The following DUSP12 variants were observed in gnomAD, a reference collection of about 807,000 sequenced individuals.
The protein encoded by DUSP12 is dual specificity protein phosphatase 12.
In DUSP12, 25 loss-of-function variants were observed where a neutral mutation model predicts 38.9. The ratio of observed to expected loss-of-function variants is 0.64; its 90% CI spans 0.47 to 0.90. DUSP12 has a LOEUF of 0.90. DUSP12 is among the 40% of genes least tolerant of loss of function. The pLI, the probability that DUSP12 is intolerant of heterozygous loss-of-function variation, is 0.00. For missense variants in DUSP12, 403 were observed against 427.0 expected, an observed-to-expected ratio of 0.94 and a Z score of 0.50; for synonymous variants, 153 against 153.9, an observed-to-expected ratio of 0.99 and a Z score of 0.05.
chr1:161,754,307 ACT>A (rs1449755733), intron 5 of DUSP12, among the ~76,000 whole-genome samples: 1 of 152,138 alleles, frequency 6.6e-6, no homozygotes, highest in African/African-American at 2.4e-5. Context: ...ATATAATCAA[ACT>A]CACATTTTCG....
chr1:161,754,513 G>A (rs61801238), intron 5 of DUSP12, among the ~76,000 whole-genome samples: 5,307 of 152,232 alleles, frequency 0.035, 119 homozygotes, highest in Non-Finnish European at 0.056. Flanking sequence ...TATAAAGGAA[G>A]GAGGTTTAAT....
chr1:161,750,231 G>C, intron 1 of DUSP12, 86 bp downstream of exon 1: 1 of 1,447,528 alleles, frequency 6.9e-7, no homozygotes, highest in Non-Finnish European at 9.3e-7. Flanking sequence ...CCGTCGGGAG[G>C]ACAAGAGCGC....
In DUSP12 at chr1:161,757,194, T is replaced by C. The variant is rs1684123845; in HGVS notation, c.*247T>C. On this transcript the variant is annotated 3_prime_UTR_variant, in exon 6 of 6. Coordinates refer to ENST00000367943, the MANE Select transcript of DUSP12 (RefSeq NM_007240.3). ...CTGTGTTTCATATATTTTTAAAAGT[T>C]TTGATTGTTGGAATGTTATATGATC... is the stretch of plus-strand genomic sequence containing the variant. 1.3e-5 allele frequency: 4 copies of C among 304,282 alleles called. No homozygotes were observed. Among genetic ancestry groups the C allele is most frequent in the Non-Finnish European group, 2.4e-5 (4 of 164,062 alleles). 18.8% of individuals were successfully genotyped at this position (304,282 alleles called of 1,614,324 possible). A position where few individuals can be genotyped will look rare whatever the true frequency, so the allele number is the denominator to read the frequency against.
Position 161,751,712 on chromosome 1 carries a change from T to G in DUSP12, c.389T>G (p.Leu130Arg). 1.9e-6 allele frequency: 3 copies of G among 1,613,514 alleles called. No homozygotes were observed. The highest frequency in any genetic ancestry group is 2.5e-6 in the Non-Finnish European group (3 of 1,179,818). Residue 130 changes from leucine to arginine, a missense_variant, in exon 2 of 6, where the codon CTC becomes CGC. Leu to Arg is a moderately radical substitution (Grantham distance 102). Coordinates refer to ENST00000367943, the MANE Select transcript of DUSP12 (RefSeq NM_007240.3). ...SRSVAIITAF[L>R]MKTDQLPFEK... is the part of the protein sequence containing the mutation. ...AGTGTGGCCATAATAACTGCTTTTC[T>G]CATGAAGACTGACCAACTTCCCTTT...
chr1:161,750,931 C>CA lies in DUSP12; in HGVS notation c.345-730dup, dbSNP rs1217650187. ...CAGAGCGAGACTCCATCCCTCCCCCCAAAAAAAGAAAATGGGAATCCCTAA... is the reference window on the plus strand; with the variant it reads ...CAGAGCGAGACTCCATCCCTCCCCCCAAAAAAAAGAAAATGGGAATCCCTAA... On this transcript the variant is annotated intron_variant, in intron 1 of 5. Transcript: ENST00000367943. Among the ~76,000 whole-genome samples, 5 of 151,240 alleles carry CA rather than the reference C, an allele frequency of 3.3e-5. No individual in the cohort carries two copies. The East Asian group carries it at 9.7e-4, about 29-fold the overall frequency.
intron 4 of DUSP12, 24 bp downstream of exon 4, chr1:161,752,488 A>G: frequency 1.4e-6 from 2 of 1,455,292 alleles, no homozygotes; most frequent in Non-Finnish European, 1.9e-6. Context: ...TATCCTTTGG[A>G]TATTTTATCT....
intron 5 of DUSP12, among the ~76,000 whole-genome samples, chr1:161,754,973 G>C (rs1047382807): frequency 6.6e-6 from 1 of 152,254 alleles, no homozygotes; most frequent in South Asian, 2.1e-4. Flanking sequence ...TGGGATTACA[G>C]GGATGCGCCA....
intron 4 of DUSP12, among the ~76,000 whole-genome samples, chr1:161,752,730 C>T (rs1684044725): frequency 6.6e-6 from 1 of 152,206 alleles, no homozygotes; most frequent in African/African-American, 2.4e-5. Flanking sequence ...TGGCTCACGC[C>T]TGTAACCCCA....
chr1:161,754,486 C>T (rs1459169660), intron 5 of DUSP12, among the ~76,000 whole-genome samples: 3 of 152,068 alleles, frequency 2.0e-5, no homozygotes, highest in Non-Finnish European at 4.4e-5. Context: ...AAAGATAGTA[C>T]GTGAGACTGG....
chr1:161,752,995 A>AAG, intron 4 of DUSP12, 80 bp from the exon 5 acceptor site: 1 of 1,449,446 alleles, frequency 6.9e-7, no homozygotes, highest in Non-Finnish European at 9.3e-7. Context: ...GTCTCAAAAA[A>AAG]AAAAGAAATA....
chr1:161,751,976 A>C lies in DUSP12; in HGVS notation c.569A>C (p.Lys190Thr), dbSNP rs763300833. The C allele has an allele frequency of 1.2e-6, 2 of 1,602,616 alleles. No homozygotes were observed. The highest frequency in any genetic ancestry group is 8.5e-7 in the Non-Finnish European group (1 of 1,172,294). ...KQYRLQKVTEKYPELQNLPQE... is the reference protein window; with the variant it reads ...KQYRLQKVTETYPELQNLPQE... ...TATCGTTTACAAAAGGTTACAGAGA[A>C]GTATCCAGGTAAGTAATAATTGCTA... Residue 190 changes from lysine (K) to threonine (T), a missense_variant, in exon 3 of 6, where the codon AAG becomes ACG. Lys to Thr is a moderately conservative substitution (Grantham distance 78, BLOSUM62 -1). Coordinates refer to ENST00000367943, the MANE Select transcript of DUSP12 (RefSeq NM_007240.3).
chr1:161,755,964 T>C (rs1318381344), intron 5 of DUSP12, among the ~76,000 whole-genome samples: 1 of 152,170 alleles, frequency 6.6e-6, no homozygotes, highest in Non-Finnish European at 1.5e-5. Context: ...TCAAATATTC[T>C]CCTGCTTCAG....
intron 2 of DUSP12, 23 bp downstream of exon 2, chr1:161,751,804 T>C: frequency 6.2e-7 from 1 of 1,603,308 alleles, no homozygotes. Context: ...TTTATAGTAA[T>C]AATTATGCTT....
Position 161,749,963 on chromosome 1 carries a change from G to T in DUSP12, c.162G>T (p.Thr54=). ...EPDHLREAGI[T]AVLTVDSEEP... ...ATCACCTGAGGGAAGCGGGCATCAC[G>T]GCCGTGCTAACAGTGGACTCGGAGG... The change falls in exon 1 of 6, where the codon ACG becomes ACT. Residue 54 remains threonine, a synonymous_variant. Transcript: ENST00000367943. The T allele has an allele frequency of 6.2e-7, 1 of 1,614,044 alleles. No homozygotes were observed. Among genetic ancestry groups the T allele is most frequent in the Non-Finnish European group, 8.5e-7 (1 of 1,179,936 alleles).
Position 161,749,830 on chromosome 1 carries a change from G to C in DUSP12, c.29G>C (p.Gly10Ala). The change falls in exon 1 of 6, where the codon GGC (glycine) becomes GCC (alanine). Residue 10 changes from glycine to alanine, a missense_variant. Transcript: ENST00000367943. MLEAPGPSD[G>A]CELSNPSASR... ...TTGGAGGCTCCGGGCCCGAGTGATGGCTGCGAGCTCAGCAACCCCAGCGCC... is the reference window on the plus strand; with the variant it reads ...TTGGAGGCTCCGGGCCCGAGTGATGCCTGCGAGCTCAGCAACCCCAGCGCC... The C allele has an allele frequency of 2.5e-6, 4 of 1,590,252 alleles. No homozygotes were observed. Among genetic ancestry groups the C allele is most frequent in the Non-Finnish European group, 3.4e-6 (4 of 1,168,966 alleles).
intron 4 of DUSP12, among the ~76,000 whole-genome samples, chr1:161,752,818 C>T (rs146423333): frequency 0.016 from 2,444 of 151,950 alleles, 29 homozygotes; most frequent in Middle Eastern, 0.027. Context: ...GGTGAAACCC[C>T]GTCTCTATTA....
At position 161,755,488 on chromosome 1, in the gene DUSP12, T is replaced by C. The variant is rs531085310; in HGVS notation, c.862-1298T>C. Among the ~76,000 whole-genome samples, 8 of 152,338 alleles carry C rather than the reference T, an allele frequency of 5.3e-5. No homozygotes were observed. The South Asian group carries it at 1.7e-3, about 32-fold the overall frequency. On this transcript the variant is annotated intron_variant, in intron 5 of 5. Transcript: ENST00000367943. Reference sequence around the variant, plus strand: ...GAATGCATGTACCCGTTACTCCATATCCTTGACATAATAGATACTATAAAA... The same window carrying C: ...GAATGCATGTACCCGTTACTCCATACCCTTGACATAATAGATACTATAAAA...
At chr1:161,751,566 G>T in intron 1 of DUSP12, 102 bp from the exon 2 acceptor site, 1 of 1,402,118 alleles carries the variant, frequency 7.1e-7, no homozygotes, top group Non-Finnish European at 9.6e-7. Context: ...AAGCAAAAAT[G>T]AAGTGGGCCT....
Position 161,753,256 on chromosome 1 carries a change from G to A in DUSP12, c.856G>A (p.Gly286Arg). ...ATCTGCTTTGTTGGGAGTGATGGAT[G>A]GACAGGTGAGAACACATTTTATTTT... ...MESALLGVMD[G>R]QLLCPKCSAK... The change falls in exon 5 of 6, where the codon GGA (glycine) becomes AGA (arginine). Residue 286 changes from glycine (G) to arginine (R), a missense_variant. Physicochemically the swap from Gly to Arg is moderately radical, Grantham distance 125 (BLOSUM62 -2). Coordinates refer to ENST00000367943, the MANE Select transcript of DUSP12 (RefSeq NM_007240.3). 6.3e-7 allele frequency: 1 copy of A among 1,590,662 alleles called. No homozygotes were observed.
Sources: gnomAD v4.1 joint callset for allele counts (sites outside exome capture counted in the v4.1 genomes callset) on GRCh38, gnomAD v4.1.1 for gene constraint, MANE v1.5 for transcripts, NCBI Gene and HGNC (gene_info 2026-07-23, HGNC 2026-07-21) for gene names.